The following ZFHX3 variants were observed in gnomAD, a reference collection of about 807,000 sequenced individuals.
ZFHX3 encodes the protein zinc finger homeobox 3, also known as zinc finger homeobox protein 3.
Under a neutral mutation model 279.1 loss-of-function variants are expected in ZFHX3, and 42 were observed. The observed-to-expected ratio is 0.15, with a 90% CI of 0.12 to 0.19. ZFHX3 has a LOEUF of 0.19. ZFHX3 is among the 10% of genes least tolerant of loss of function. The pLI is 1.00. For synonymous variants in ZFHX3, 2,293 were observed against 1,957.8 expected (o/e 1.17, Z -4.52); for missense variants, 4,981 against 4,754.0 (o/e 1.05, Z -1.40).
At chr16:73,864,647 A>G (rs1961965911) in intron 1 of ZFHX3, among the ~76,000 whole-genome samples, 1 of 152,154 alleles carries the variant, frequency 6.6e-6, no homozygotes, top group Non-Finnish European at 1.5e-5. Flanking sequence ...TGAACCCAGG[A>G]GGGTGGAGGT....
At chr16:72,913,166 A>T (rs1329945091) in intron 3 of ZFHX3, among the ~76,000 whole-genome samples, 1 of 152,246 alleles carries the variant, frequency 6.6e-6, no homozygotes, top group Non-Finnish European at 1.5e-5. Context: ...TCTAATGTCA[A>T]CATCTTCCAT....
At chr16:72,920,345 G>C (rs1042552269) in intron 3 of ZFHX3, among the ~76,000 whole-genome samples, 1 of 152,044 alleles carries the variant, frequency 6.6e-6, no homozygotes, top group Non-Finnish European at 1.5e-5. Flanking sequence ...CAGGGTACAT[G>C]AGCCCCTGGA....
chr16:72,925,803 A>T (rs1051442572), intron 3 of ZFHX3, among the ~76,000 whole-genome samples: 3 of 152,254 alleles, frequency 2.0e-5, no homozygotes, highest in African/African-American at 4.8e-5. Context: ...AACGGGCACC[A>T]GCCAAGGGTG....
chr16:73,649,555 T>C (rs983988736), intron 2 of ZFHX3, among the ~76,000 whole-genome samples: 2 of 152,212 alleles, frequency 1.3e-5, no homozygotes, highest in Non-Finnish European at 2.9e-5. Flanking sequence ...ATATCCTGAT[T>C]TTCTATAATG....
chr16:73,589,556 C>G (rs1222908333), intron 2 of ZFHX3, among the ~76,000 whole-genome samples: 3 of 150,088 alleles, frequency 2.0e-5, no homozygotes, highest in Admixed American at 2.0e-4. Context: ...ACAGTGAAAC[C>G]CCGTCTCTAC....
intron 7 of ZFHX3, among the ~76,000 whole-genome samples, chr16:72,802,615 G>C (rs2036140687): frequency 6.6e-6 from 1 of 152,188 alleles, no homozygotes; most frequent in Non-Finnish European, 1.5e-5. Flanking sequence ...AGGAGGCAAA[G>C]AGGAAGATTC....
At chr16:73,676,200 T>C (rs1567548861) in intron 2 of ZFHX3, among the ~76,000 whole-genome samples, 1 of 152,076 alleles carries the variant, frequency 6.6e-6, no homozygotes, top group Non-Finnish European at 1.5e-5. Context: ...TAAACTGTTT[T>C]CTATTATTTT....
intron 1 of ZFHX3, among the ~76,000 whole-genome samples, chr16:73,815,361 G>A (rs1482586734): frequency 6.6e-6 from 1 of 152,122 alleles, no homozygotes; most frequent in African/African-American, 2.4e-5. Context: ...GTGTAAACCT[G>A]AACTTGGCAA....
intron 3 of ZFHX3, among the ~76,000 whole-genome samples, chr16:73,423,449 G>C (rs1435277717): frequency 6.6e-6 from 1 of 152,166 alleles, no homozygotes; most frequent in Non-Finnish European, 1.5e-5. Context: ...ACTGGGTGCT[G>C]GTGAGACCGG....
intron 5 of ZFHX3, among the ~76,000 whole-genome samples, chr16:73,227,840 TTC>T (rs2012648338): frequency 8.6e-6 from 1 of 115,964 alleles, no homozygotes; most frequent in South Asian, 2.8e-4. Context: ...CAGAGCAAGA[TTC>T]TGTCTCAAAA....
intron 2 of ZFHX3, among the ~76,000 whole-genome samples, chr16:73,641,648 G>A (rs2052573987): frequency 6.6e-6 from 1 of 152,022 alleles, no homozygotes; most frequent in Non-Finnish European, 1.5e-5. Flanking sequence ...TAAAATAGAA[G>A]CCCTTAGATG....
chr16:73,805,434 G>C (rs1009904044), intron 1 of ZFHX3, among the ~76,000 whole-genome samples: 2 of 152,186 alleles, frequency 1.3e-5, no homozygotes, highest in African/African-American at 4.8e-5. Context: ...CTCCCAAAGT[G>C]CTGGGATTAT....
At chr16:73,060,386 G>T (rs1471829758), upstream of ZFHX3, 1 of 152,160 alleles carries the variant, frequency 6.6e-6, no homozygotes, top group Non-Finnish European at 1.5e-5. Context: ...ACAGCAGCGA[G>T]GGACCCTACT....
At chr16:73,422,398 G>C (rs531200717) in intron 3 of ZFHX3, among the ~76,000 whole-genome samples, 1 of 152,168 alleles carries the variant, frequency 6.6e-6, no homozygotes, top group South Asian at 2.1e-4. Flanking sequence ...TTCTTTTTTA[G>C]TAATACCAAT....
intron 7 of ZFHX3, among the ~76,000 whole-genome samples, chr16:73,125,880 C>T (rs1396010699): frequency 6.6e-6 from 1 of 151,998 alleles, no homozygotes; most frequent in African/African-American, 2.4e-5. Context: ...AACCCTAATA[C>T]CGTACCATTA....
intron 4 of ZFHX3, among the ~76,000 whole-genome samples, chr16:73,282,081 T>C (rs1310638354): frequency 6.6e-6 from 1 of 152,234 alleles, no homozygotes; most frequent in African/African-American, 2.4e-5. Flanking sequence ...GTGTGCGCGT[T>C]TGTGTGCATC....
intron 9 of ZFHX3, chr16:72,789,083 A>G (rs1171155461): frequency 9.6e-6 from 4 of 415,210 alleles, no homozygotes; most frequent in African/African-American, 8.5e-5. Context: ...CAGCCAAACA[A>G]CTTCCAGAAG....
chr16:72,973,089 C>G (rs1282155886), intron 1 of ZFHX3, among the ~76,000 whole-genome samples: 1 of 152,180 alleles, frequency 6.6e-6, no homozygotes, highest in Non-Finnish European at 1.5e-5. Context: ...TGACTTGGCA[C>G]TTGAATATGT....
intron 7 of ZFHX3, among the ~76,000 whole-genome samples, chr16:73,103,631 T>G (rs1188070646): frequency 6.6e-6 from 1 of 152,206 alleles, no homozygotes; most frequent in Non-Finnish European, 1.5e-5. Flanking sequence ...TCATAGCTCG[T>G]GCCTCCTTTT....
Sources: gnomAD v4.1 joint callset for allele counts (sites outside exome capture counted in the v4.1 genomes callset) on GRCh38, gnomAD v4.1.1 for gene constraint, MANE v1.5 for transcripts, NCBI Gene and HGNC (gene_info 2026-07-23, HGNC 2026-07-21) for gene names.